The following EEF1A2 variants were observed in gnomAD, a reference collection of about 807,000 sequenced individuals.
EEF1A2 encodes eukaryotic translation elongation factor 1 alpha 2, also known as elongation factor 1-alpha 2.
EEF1A2 carries 5 observed loss-of-function variants against 39.3 expected under a neutral mutation model. The observed-to-expected ratio is 0.13, with a 90% CI of 0.07 to 0.27. EEF1A2 has a LOEUF of 0.27. Among genes scored for constraint, EEF1A2 ranks in the 10% least tolerant of loss-of-function variants. The probability of loss-of-function intolerance (pLI) is 1.00; values close to 1 mark genes in which losing one functional copy is unlikely to be tolerated. For synonymous variants in EEF1A2, 287 were observed against 293.7 expected (o/e 0.98, Z 0.23); for missense variants, 218 against 681.4 (o/e 0.32, Z 7.57).
In EEF1A2 at chr20:63,488,896, TCCCCGGACCA is replaced by T; in HGVS notation, c.1264+12_1264+21del. ...TCAGCCACAGCCTGGGGGCTGCACCTCCCCGGACCACCCCGGCTCACCGAGAGGCGGGTAC... is the reference window on the plus strand; with the variant it reads ...TCAGCCACAGCCTGGGGGCTGCACCTCCCCGGCTCACCGAGAGGCGGGTAC... On this transcript the variant is annotated intron_variant, in intron 7 of 7. Transcript: ENST00000217182. The T allele has an allele frequency of 6.2e-7, 1 of 1,606,182 alleles. No individual in the cohort carries two copies. The highest frequency in any genetic ancestry group is 8.5e-7 in the Non-Finnish European group (1 of 1,178,900).
chr20:63,490,989 AC>A (rs1209054290), intron 5 of EEF1A2, among the ~76,000 whole-genome samples: 1 of 152,206 alleles, frequency 6.6e-6, no homozygotes, highest in African/African-American at 2.4e-5. Flanking sequence ...GCTCCCAGGA[AC>A]CCACGGAAAA....
rs781155823 is a variant in EEF1A2, at chr20:63,488,307, C to T, written c.1383G>A (p.Ala461=). The part of the protein sequence containing the change: ...VTKSAQKAQK[A]GK ...CGCGGGCGCCCGCGCTTCACTTGCC[C>T]GCCTTCTGCGCCTTCTGCGCCGACT... is the stretch of plus-strand genomic sequence containing the variant. Residue 461 remains alanine (A), a synonymous_variant, in exon 8 of 8, where the codon GCG becomes GCA. Transcript: ENST00000217182. 13 of 1,389,448 alleles carry T rather than the reference C, an allele frequency of 9.4e-6. No individual in the cohort carries two copies. The highest frequency in any genetic ancestry group is 3.3e-5 in the East Asian group (1 of 30,618). 86.1% of individuals were successfully genotyped at this position (1,389,448 alleles called of 1,614,324 possible).
Position 63,497,571 on chromosome 20 carries a change from G to C in EEF1A2, c.144+49C>G. On this transcript the variant is annotated intron_variant, in intron 2 of 7. Coordinates refer to ENST00000217182, the MANE Select transcript of EEF1A2 (RefSeq NM_001958.5). The surrounding 1 kb of genome is among the most constrained non-coding windows in gnomAD (Gnocchi z 7.3). ...GATGCCAAGCCTGGCCACCACGGGA[G>C]TTGGGGGTTCCTTCTCAGGGGGCCA... 6.3e-7 allele frequency: 1 copy of C among 1,581,892 alleles called. No homozygotes were observed. The highest frequency in any genetic ancestry group is 8.6e-7 in the Non-Finnish European group (1 of 1,161,620).
At chr20:63,493,355 A>G in intron 4 of EEF1A2, 68 bp from the exon 5 acceptor site, 1 of 1,447,608 alleles carries the variant, frequency 6.9e-7, no homozygotes. Context: ...AGGCCTCCCC[A>G]GGGTGCTTCC....
chr20:63,491,503 C>T (rs2145940741), intron 5 of EEF1A2, among the ~76,000 whole-genome samples: 1 of 152,310 alleles, frequency 6.6e-6, no homozygotes, highest in South Asian at 2.1e-4. Flanking sequence ...GCATGATGCC[C>T]CCACAGTGCA....
intron 2 of EEF1A2, chr20:63,496,303 C>T (rs1388830321): frequency 3.9e-6 from 2 of 512,966 alleles, no homozygotes; most frequent in East Asian, 6.7e-5. Flanking sequence ...GCCTGGGAGT[C>T]GCTCGCTCTA....
At chr20:63,491,911 TGGGG>T (rs1194225224) in intron 5 of EEF1A2, among the ~76,000 whole-genome samples, 4 of 119,952 alleles carry the variant, frequency 3.3e-5, no homozygotes, top group African/African-American at 6.8e-5. Flanking sequence ...GATGGATGGA[TGGGG>T]GGATAGATGG....
chr20:63,492,008 A>G, intron 5 of EEF1A2, among the ~76,000 whole-genome samples: 1 of 64,810 alleles, frequency 1.5e-5, no homozygotes, highest in Non-Finnish European at 2.8e-5. Flanking sequence ...ATGGATGAGG[A>G]GATGAACGGA....
At chr20:63,492,129 G>GA (rs2082385902) in intron 5 of EEF1A2, among the ~76,000 whole-genome samples, 1 of 27,784 alleles carries the variant, frequency 3.6e-5, no homozygotes. Flanking sequence ...TGGATGGATG[G>GA]GGAAGTGGAT....
intron 6 of EEF1A2, 149 bp from the exon 7 acceptor site, chr20:63,489,301 AC>A (rs1437615917): frequency 1.4e-6 from 1 of 702,014 alleles, no homozygotes; most frequent in African/African-American, 1.8e-5. Context: ...GGCTCTGAGG[AC>A]CCAGCCCCCA....
At position 63,488,907 on chromosome 20, in the gene EEF1A2, C is replaced by G. The variant is rs773915965; in HGVS notation, c.1264+11G>C. 1 of 1,608,196 alleles carries G rather than the reference C, an allele frequency of 6.2e-7. No individual in the cohort carries two copies. The highest frequency in any genetic ancestry group is 1.1e-5 in the South Asian group (1 of 91,054). On this transcript the variant is annotated intron_variant, in intron 7 of 7. Transcript: ENST00000217182. ...CTGGGGGCTGCACCTCCCCGGACCA[C>G]CCCGGCTCACCGAGAGGCGGGTACT...
chr20:63,498,030 C>G lies in EEF1A2; in HGVS notation c.-71-196G>C. 5.1e-6 allele frequency: 2 copies of G among 395,568 alleles called. 1 individual carries two copies. Among genetic ancestry groups the G allele is most frequent in the Non-Finnish European group, 9.1e-6 (2 of 220,402 alleles). 24.5% of individuals were successfully genotyped at this position (395,568 alleles called of 1,614,324 possible). On this transcript the variant is annotated intron_variant, in intron 1 of 7. Coordinates refer to ENST00000217182, the MANE Select transcript of EEF1A2 (RefSeq NM_001958.5). The surrounding 1 kb of genome is among the most constrained non-coding windows in gnomAD (Gnocchi z 4.1). ...CAGAGGCTGTGCACTGCCCCCACCC[C>G]ACACTTGAGCCCAAACAGCCCCATC... is the stretch of plus-strand genomic sequence containing the variant.
intron 6 of EEF1A2, 40 bp downstream of exon 6, chr20:63,490,439 C>T: frequency 6.3e-7 from 1 of 1,584,942 alleles, no homozygotes; most frequent in Admixed American, 1.7e-5. Context: ...TGCTGCTGTC[C>T]AGCAGGCGCC....
At chr20:63,489,263 G>T in intron 6 of EEF1A2, 111 bp from the exon 7 acceptor site, 2 of 1,066,240 alleles carry the variant, frequency 1.9e-6, no homozygotes, top group Non-Finnish European at 2.7e-6. Context: ...GGGCTCCTGG[G>T]CCCGGAGTGC....
chr20:63,495,719 G>T, intron 3 of EEF1A2, 137 bp downstream of exon 3: 1 of 1,099,698 alleles, frequency 9.1e-7, no homozygotes, highest in South Asian at 1.6e-5. Flanking sequence ...CTGGGTGAGG[G>T]TGGCCCAGGT....
rs572244463 is a variant in EEF1A2 at position 63,496,009 on chromosome 20, G to A, written c.171C>T (p.Ala57=). ...AEMGKGSFKY[A]WVLDKLKAER... Reference sequence around the variant, plus strand: ...CCGCCTTCAGCTTGTCCAGCACCCAGGCATACTTGAAGGATCCCTTCCCCA... The same window carrying A: ...CCGCCTTCAGCTTGTCCAGCACCCAAGCATACTTGAAGGATCCCTTCCCCA... The change falls in exon 3 of 8, where the codon GCC becomes GCT. Residue 57 remains alanine (A), a synonymous_variant. Coordinates refer to ENST00000217182, the MANE Select transcript of EEF1A2 (RefSeq NM_001958.5). The A allele has an allele frequency of 3.0e-5, 49 of 1,612,818 alleles. 1 individual carries two copies. The South Asian group carries it at 5.1e-4, about 17-fold the overall frequency.
At chr20:63,491,909 GATGGGGGGATAGAT>G (rs2082382879) in intron 5 of EEF1A2, among the ~76,000 whole-genome samples, 1 of 141,844 alleles carries the variant, frequency 7.1e-6, no homozygotes, top group Non-Finnish European at 1.5e-5. Flanking sequence ...TGGATGGATG[GATGGGGGGATAGAT>G]GGATGGATGG....
chr20:63,494,655 G>A (rs2082408293), intron 4 of EEF1A2, 150 bp downstream of exon 4: 12 of 1,158,212 alleles, frequency 1.0e-5, no homozygotes, highest in Middle Eastern at 2.9e-4. Flanking sequence ...CGGGCCCTGA[G>A]CCAGTTAGGG....
intron 2 of EEF1A2, chr20:63,496,238 G>T: frequency 1.6e-6 from 1 of 620,050 alleles, no homozygotes; most frequent in Non-Finnish European, 2.8e-6. Flanking sequence ...GCCGGCCTCC[G>T]CACCTGCTCC....
Sources: allele counts gnomAD v4.1 joint callset (sites outside exome capture counted in the v4.1 genomes callset), GRCh38; gene constraint gnomAD v4.1.1; non-coding constraint Gnocchi (gnomAD v3.1); transcripts MANE v1.5; gene names NCBI Gene and HGNC (gene_info 2026-07-23, HGNC 2026-07-21).